Variants in KCNJ6 observed in about 807,000 individuals in gnomAD.
KCNJ6 encodes G protein-activated inward rectifier potassium channel 2.
In KCNJ6, 9 loss-of-function variants were observed where a neutral mutation model predicts 34.2. That is an observed-to-expected ratio of 0.26 (90% CI 0.16 to 0.46). The LOEUF (loss-of-function observed/expected upper bound fraction) is 0.46. Ranked by LOEUF, KCNJ6 falls within the 20% of genes least tolerant of loss-of-function variation. The pLI is 1.00. For missense variants in KCNJ6, 236 were observed against 531.3 expected (o/e 0.44, Z 5.46); for synonymous variants, 196 against 207.1 (o/e 0.95, Z 0.46).
In KCNJ6 at chr21:37,905,382, C is replaced by T. The variant is rs377304535; in HGVS notation, c.-28+10502G>A. ...TATGAGCTCATGTACCATGCCGATG[C>T]GTGGCGCTCTGATTTCCATGGTGTG... On this transcript the variant is annotated intron_variant, in intron 1 of 3. Transcript: ENST00000609713. 1.1e-3 allele frequency among the ~76,000 whole-genome samples: 173 copies of T among 152,298 alleles called. 4 individuals are homozygous for T. In the South Asian group the frequency reaches 0.035, roughly 30 times the overall value.
In KCNJ6 at chr21:37,890,425, C is replaced by G. The variant is rs930594171; in HGVS notation, c.-28+25459G>C. Among the ~76,000 whole-genome samples, 9 of 152,280 alleles carry G rather than the reference C, an allele frequency of 5.9e-5. No individual in the cohort carries two copies. The South Asian group carries it at 1.4e-3, about 25-fold the overall frequency. On this transcript the variant is annotated intron_variant, in intron 1 of 3. Coordinates refer to ENST00000609713, the MANE Select transcript of KCNJ6 (RefSeq NM_002240.5). ...TTTGGGTGGGAACACAGCCAAATCA[C>G]ATCAACTTCTCAAAAGAGTTTTACA...
chr21:37,700,018 T>TA (rs138544187), intron 3 of KCNJ6, among the ~76,000 whole-genome samples: 138 of 152,334 alleles, frequency 9.1e-4, no homozygotes, highest in African/African-American at 3.0e-3. Context: ...GGCCACACCT[T>TA]ATTTTTAGAA....
intron 3 of KCNJ6, among the ~76,000 whole-genome samples, chr21:37,683,963 C>T (rs1485961593): frequency 6.6e-6 from 1 of 152,192 alleles, no homozygotes; most frequent in African/African-American, 2.4e-5. Flanking sequence ...GTTTGGTGAG[C>T]CTGCCCTAAA....
At chr21:37,655,761 C>T (rs2054461000) in intron 3 of KCNJ6, among the ~76,000 whole-genome samples, 1 of 152,146 alleles carries the variant, frequency 6.6e-6, no homozygotes, top group East Asian at 1.9e-4. Flanking sequence ...CATGGGGAAG[C>T]ATTTTTCCCC....
intron 1 of KCNJ6, among the ~76,000 whole-genome samples, chr21:37,850,128 A>G (rs542491114): frequency 1.3e-5 from 2 of 152,278 alleles, no homozygotes; most frequent in African/African-American, 4.8e-5. Flanking sequence ...AGTTCCAGGG[A>G]AAGAAATCCC....
chr21:37,671,625 G>A (rs1165605349), intron 3 of KCNJ6, among the ~76,000 whole-genome samples: 1 of 152,234 alleles, frequency 6.6e-6, no homozygotes, highest in African/African-American at 2.4e-5. Flanking sequence ...CTTGCGACTG[G>A]CATCTGCCGG....
At chr21:37,877,965 A>AT (rs2055687228) in intron 1 of KCNJ6, among the ~76,000 whole-genome samples, 1 of 152,270 alleles carries the variant, frequency 6.6e-6, no homozygotes, top group African/African-American at 2.4e-5. Flanking sequence ...AAAAGGCATC[A>AT]TAAGACTTTT....
chr21:37,815,659 T>C (rs1225357162), intron 2 of KCNJ6, among the ~76,000 whole-genome samples: 1 of 152,184 alleles, frequency 6.6e-6, no homozygotes, highest in East Asian at 1.9e-4. Context: ...TTAGACAAGG[T>C]GGTCTATGGA....
At chr21:37,632,436 AAT>A (rs1163967968) in intron 3 of KCNJ6, among the ~76,000 whole-genome samples, 18 of 152,122 alleles carry the variant, frequency 1.2e-4, no homozygotes, top group Admixed American at 7.9e-4. Flanking sequence ...TCTGAACATT[AAT>A]GTTTAGAATA....
intron 2 of KCNJ6, among the ~76,000 whole-genome samples, chr21:37,774,788 T>C (rs1377179668): frequency 2.6e-5 from 4 of 152,182 alleles, no homozygotes; most frequent in African/African-American, 9.7e-5. Flanking sequence ...TTTGCTATTG[T>C]GAATAGCGCC....
In KCNJ6 at chr21:37,608,888, T is replaced by C. The variant is rs983186723; in HGVS notation, c.*16271A>G. 2 of 152,186 alleles carry C rather than the reference T, an allele frequency of 1.3e-5. No homozygotes were observed. Among genetic ancestry groups the C allele is most frequent in the Admixed American group, 1.3e-4 (2 of 15,282 alleles). The allele number at this position is 152,186 out of a possible 1,614,324, so 9.4% of individuals were successfully genotyped here. ...CAGGCAAGTGAATACACATTTGGAG[T>C]AATAAAATATGGGGCATCAGCTAAC... is the stretch of plus-strand genomic sequence containing the variant. On this transcript the variant is annotated 3_prime_UTR_variant, in exon 4 of 4. Transcript: ENST00000609713.
chr21:37,731,130 T>C (rs2054882834), intron 2 of KCNJ6, among the ~76,000 whole-genome samples: 1 of 151,866 alleles, frequency 6.6e-6, no homozygotes. Context: ...TGTGTGTGTT[T>C]GTGTGCCTGC....
At chr21:37,770,913 TTAA>T (rs1025587426) in intron 2 of KCNJ6, among the ~76,000 whole-genome samples, 21 of 152,326 alleles carry the variant, frequency 1.4e-4, no homozygotes, top group African/African-American at 4.8e-4. Context: ...ATAAGATATA[TTAA>T]TAATGGTTAA....
intron 3 of KCNJ6, among the ~76,000 whole-genome samples, chr21:37,644,977 GAAGA>G (rs901726485): frequency 4.6e-4 from 69 of 149,978 alleles, no homozygotes; most frequent in African/African-American, 1.6e-3. Flanking sequence ...AGCAAGGGAA[GAAGA>G]AAGGAGAGCA....
chr21:37,825,420 G>GAGTACTTC (rs2055394103), intron 2 of KCNJ6, among the ~76,000 whole-genome samples: 1 of 152,098 alleles, frequency 6.6e-6, no homozygotes, highest in South Asian at 2.1e-4. Context: ...AAGCCTCTAG[G>GAGTACTTC]AGTACTTCAG....
chr21:37,864,836 A>C (rs8130408), intron 1 of KCNJ6, among the ~76,000 whole-genome samples: 115,715 of 151,150 alleles, frequency 0.77, 44,553 homozygotes, highest in East Asian at 0.91. Context: ...TTCTGTGGGT[A>C]CATCAGTCCC....
chr21:37,622,864 G>A lies in KCNJ6; in HGVS notation c.*2295C>T, dbSNP rs1483054691. 1.3e-5 allele frequency: 2 copies of A among 152,194 alleles called. No homozygotes were observed. Among genetic ancestry groups the A allele is most frequent in the Non-Finnish European group, 1.5e-5 (1 of 68,040 alleles). The allele number at this position is 152,194 out of a possible 1,614,324, so 9.4% of individuals were successfully genotyped here. A position where few individuals can be genotyped will look rare whatever the true frequency, so the allele number is the denominator to read the frequency against. On this transcript the variant is annotated 3_prime_UTR_variant, in exon 4 of 4. Transcript: ENST00000609713. ...TGAGTCTTCAAGAGCTAAATTAGAA[G>A]ACATTTTGCCGCCCCTATTCCATCT...
chr21:37,701,784 C>T (rs2123437711), intron 3 of KCNJ6, among the ~76,000 whole-genome samples: 1 of 152,254 alleles, frequency 6.6e-6, no homozygotes, highest in African/African-American at 2.4e-5. Context: ...GTGGCTGCAA[C>T]ATGTCAGTTG....
chr21:37,851,939 C>G (rs1408073374), intron 1 of KCNJ6, among the ~76,000 whole-genome samples: 1 of 150,780 alleles, frequency 6.6e-6, no homozygotes, highest in East Asian at 1.9e-4. Flanking sequence ...TGACTGGATA[C>G]TGGAGATGTT....
Sources: allele counts gnomAD v4.1 joint callset (sites outside exome capture counted in the v4.1 genomes callset), GRCh38; gene constraint gnomAD v4.1.1; transcripts MANE v1.5; gene names NCBI Gene and HGNC (gene_info 2026-07-23, HGNC 2026-07-21).